TRIM6: variants seen among roughly 807,000 people sequenced by gnomAD.
The protein encoded by TRIM6 is tripartite motif-containing protein 6.
Under a neutral mutation model 51.2 loss-of-function variants are expected in TRIM6, and 43 were observed. The ratio of observed to expected loss-of-function variants is 0.84; its 90% CI spans 0.66 to 1.08. TRIM6 has a LOEUF of 1.08. TRIM6 is among the 50% of genes least tolerant of loss of function. TRIM6 has a pLI of 0.00. For synonymous variants in TRIM6, 215 were observed against 232.4 expected (o/e 0.93, Z 0.68); for missense variants, 669 against 619.0 (o/e 1.08, Z -0.86).
intron 1 of TRIM6, among the ~76,000 whole-genome samples, chr11:5,598,187 C>G (rs988291102): frequency 6.6e-6 from 1 of 152,172 alleles, no homozygotes; most frequent in African/African-American, 2.4e-5. Context: ...GGAGACTTGG[C>G]CTCAGTTGGA....
In TRIM6 at chr11:5,612,023, C is replaced by G. The variant is rs1428659554; in HGVS notation, c.*681C>G. On this transcript the variant is annotated 3_prime_UTR_variant, in exon 8 of 8. Coordinates refer to ENST00000380097, the MANE Select transcript of TRIM6 (RefSeq NM_001003818.3). ...GTAAATTATTGAGACAATTGTGTAT[C>G]ATTTTTGTTCTGTTAATGTGGCTTA... The G allele has an allele frequency of 6.6e-6, 1 of 152,102 alleles. No individual in the cohort carries two copies. Among genetic ancestry groups the G allele is most frequent in the Non-Finnish European group, 1.5e-5 (1 of 68,018 alleles). 9.4% of individuals were successfully genotyped at this position (152,102 alleles called of 1,614,324 possible).
intron 4 of TRIM6, among the ~76,000 whole-genome samples, chr11:5,607,849 A>T (rs1848318877): frequency 6.6e-6 from 1 of 152,200 alleles, no homozygotes; most frequent in Non-Finnish European, 1.5e-5. Context: ...TCAAAATCAT[A>T]AGGAAAGGGG....
chr11:5,603,156 G>A, intron 1 of TRIM6, 90 bp from the exon 2 acceptor site: 1 of 1,522,334 alleles, frequency 6.6e-7, no homozygotes, highest in South Asian at 1.3e-5. Context: ...CCAGGTGTCT[G>A]ACCTCTTTAT....
intron 1 of TRIM6, among the ~76,000 whole-genome samples, chr11:5,602,887 G>A (rs191627083): frequency 6.6e-6 from 1 of 152,212 alleles, no homozygotes; most frequent in African/African-American, 2.4e-5. Flanking sequence ...CTGGGAGGCG[G>A]AGATTGCAGT....
intron 6 of TRIM6, 141 bp downstream of exon 6, chr11:5,610,386 G>A (rs190134280): frequency 1.9e-6 from 3 of 1,567,820 alleles, no homozygotes; most frequent in African/African-American, 2.7e-5. Context: ...TGCTGAAGAA[G>A]ATGCGGTTTG....
rs1401166069 is a variant in TRIM6, at chr11:5,610,997, T to G, written c.1206T>G (p.Asn402Lys). ...CCTGGATCCTGGGGGTATGCAGCAA[T>G]TCACTGGGACCTACATTCTCTTTCA... ...KTAWILGVCSNSLGPTFSFNH... is the reference protein window; with the variant it reads ...KTAWILGVCSKSLGPTFSFNH... The change falls in exon 8 of 8, where the codon AAT becomes AAG. Residue 402 changes from asparagine to lysine, a missense_variant. Physicochemically the swap from Asn to Lys is moderately conservative, Grantham distance 94 (BLOSUM62 0). Coordinates refer to ENST00000380097, the MANE Select transcript of TRIM6 (RefSeq NM_001003818.3). 21 of 1,614,166 alleles carry G rather than the reference T, an allele frequency of 1.3e-5. No individual in the cohort carries two copies. The highest frequency in any genetic ancestry group is 1.8e-5 in the Non-Finnish European group (21 of 1,180,024).
Position 5,610,502 on chromosome 11 carries a change from A to G in TRIM6, c.959-33A>G, listed in dbSNP as rs1234785653. 7.4e-6 allele frequency: 12 copies of G among 1,613,918 alleles called. No individual in the cohort carries two copies. In the African/African-American group the frequency reaches 1.3e-4, roughly 18 times the overall value. ...TACCAGACATGAGACAGTTGGTCCTATTCAACATTATTGACTCTTTTCATC... is the reference window on the plus strand; with the variant it reads ...TACCAGACATGAGACAGTTGGTCCTGTTCAACATTATTGACTCTTTTCATC... On this transcript the variant is annotated intron_variant, in intron 6 of 7. Transcript: ENST00000380097.
chr11:5,596,697 G>C lies in TRIM6; in HGVS notation c.-201G>C, dbSNP rs1022372354. 1 of 766,098 alleles carries C rather than the reference G, an allele frequency of 1.3e-6. No individual in the cohort carries two copies. The highest frequency in any genetic ancestry group is 2.1e-6 in the Non-Finnish European group (1 of 479,798). 47.5% of individuals were successfully genotyped at this position (766,098 alleles called of 1,614,324 possible). On this transcript the variant is annotated 5_prime_UTR_variant, in exon 1 of 8. Transcript: ENST00000380097. ...TGACCTGTGGGTCCGTCCGTTCAACGGCCAAAGGCTGGCGGAGGAGGGATC... is the reference window on the plus strand; with the variant it reads ...TGACCTGTGGGTCCGTCCGTTCAACCGCCAAAGGCTGGCGGAGGAGGGATC...
chr11:5,603,750 T>TG lies in TRIM6; in HGVS notation c.507+17dup, dbSNP rs1209496019. 2 of 1,611,422 alleles carry TG rather than the reference T, an allele frequency of 1.2e-6. No individual in the cohort carries two copies. Among genetic ancestry groups the TG allele is most frequent in the South Asian group, 2.2e-5 (2 of 90,844 alleles). Reference sequence around the variant, plus strand: ...AGGAGTACCAGGTGAGACCCCAGGATGGAATGGGAGACAGAGAAACAGGGT... The same window carrying TG: ...AGGAGTACCAGGTGAGACCCCAGGATGGGAATGGGAGACAGAGAAACAGGGT... On this transcript the variant is annotated intron_variant, in intron 2 of 7. Coordinates refer to ENST00000380097, the MANE Select transcript of TRIM6 (RefSeq NM_001003818.3).
chr11:5,597,059 G>T, intron 1 of TRIM6, 145 bp downstream of exon 1: 6 of 1,345,074 alleles, frequency 4.5e-6, no homozygotes, highest in East Asian at 2.4e-5. Flanking sequence ...CCCCACTGAG[G>T]TTAGAGACAT....
chr11:5,610,523 T>A lies in TRIM6; in HGVS notation c.959-12T>A, dbSNP rs1300905058. ...TCCTATTCAACATTATTGACTCTTT[T>A]CATCATTACAGAGCTGACAGATGTC... On this transcript the variant is annotated splice_polypyrimidine_tract_variant and intron_variant, in intron 6 of 7. Transcript: ENST00000380097. The A allele has an allele frequency of 6.2e-7, 1 of 1,614,030 alleles. No homozygotes were observed. Among genetic ancestry groups the A allele is most frequent in the Non-Finnish European group, 8.5e-7 (1 of 1,180,030 alleles).
At chr11:5,598,081 T>G (rs1321990268) in intron 1 of TRIM6, among the ~76,000 whole-genome samples, 4 of 152,198 alleles carry the variant, frequency 2.6e-5, no homozygotes, top group Admixed American at 2.0e-4. Flanking sequence ...CTCTTTCTTC[T>G]GCTAATTTGA....
intron 1 of TRIM6, among the ~76,000 whole-genome samples, chr11:5,598,105 G>A (rs1406994669): frequency 6.6e-6 from 1 of 152,130 alleles, no homozygotes; most frequent in East Asian, 1.9e-4. Flanking sequence ...ACTGGGCTCT[G>A]GGACTGCAGG....
At chr11:5,604,289 C>T (rs895736837) in intron 2 of TRIM6, among the ~76,000 whole-genome samples, 2 of 152,196 alleles carry the variant, frequency 1.3e-5, no homozygotes, top group African/African-American at 4.8e-5. Context: ...GCTGGGATTA[C>T]AGGCGTGAGC....
At chr11:5,605,064 GAGGCTTCCTGGA>G in intron 3 of TRIM6, 1 of 514,150 alleles carries the variant, frequency 1.9e-6, no homozygotes, top group Non-Finnish European at 3.5e-6. Flanking sequence ...AGAGGTGAGG[GAGGCTTCCTGGA>G]ATCTAAACGT....
At chr11:5,606,505 G>A (rs145793757) in intron 4 of TRIM6, among the ~76,000 whole-genome samples, 2 of 152,056 alleles carry the variant, frequency 1.3e-5, no homozygotes, top group Admixed American at 1.3e-4. Context: ...TTCTTTCTTG[G>A]TGGAATAATT....
intron 4 of TRIM6, among the ~76,000 whole-genome samples, chr11:5,606,304 C>T (rs1848204566): frequency 6.6e-6 from 1 of 152,020 alleles, no homozygotes; most frequent in African/African-American, 2.4e-5. Flanking sequence ...TCGCAGATTA[C>T]AAGGTATCAA....
rs1486603627 is a variant in TRIM6 at position 5,609,878 on chromosome 11, G to A, written c.858-267G>A. 3.3e-5 allele frequency among the ~76,000 whole-genome samples: 5 copies of A among 152,226 alleles called. No homozygotes were observed. In the South Asian group the frequency reaches 8.3e-4, roughly 25 times the overall value. ...GTGGAGGTTGCAGTGAGCCGAGATC[G>A]TGCCACTGCACTCCAGCCTGGGTGA... On this transcript the variant is annotated intron_variant, in intron 5 of 7. Coordinates refer to ENST00000380097, the MANE Select transcript of TRIM6 (RefSeq NM_001003818.3).
In TRIM6 at chr11:5,604,464, T is replaced by G. The variant is rs559188745; in HGVS notation, c.508-70T>G. On this transcript the variant is annotated intron_variant, in intron 2 of 7. Coordinates refer to ENST00000380097, the MANE Select transcript of TRIM6 (RefSeq NM_001003818.3). ...TGAGGTTAGCAGAATCTCTGTCCCA[T>G]TCATTCTATGTCTGGGTACTGAGTC... 29 of 1,497,962 alleles carry G rather than the reference T, an allele frequency of 1.9e-5. No homozygotes were observed. The East Asian group carries it at 6.5e-4, about 33-fold the overall frequency. 92.8% of individuals were successfully genotyped at this position (1,497,962 alleles called of 1,614,324 possible). A position where few individuals can be genotyped will look rare whatever the true frequency, so the allele number is the denominator to read the frequency against.
Sources: gnomAD v4.1 joint callset for allele counts (sites outside exome capture counted in the v4.1 genomes callset) on GRCh38, gnomAD v4.1.1 for gene constraint, MANE v1.5 for transcripts, NCBI Gene and HGNC (gene_info 2026-07-23, HGNC 2026-07-21) for gene names.